The following PGAM1 variants were observed in gnomAD, a reference collection of about 807,000 sequenced individuals.
The protein encoded by PGAM1 is phosphoglycerate mutase 1, also known as BPG-dependent PGAM 1.
In PGAM1, 21 loss-of-function variants were observed where a neutral mutation model predicts 23.5. The ratio of observed to expected loss-of-function variants is 0.89; its 90% CI spans 0.63 to 1.29. PGAM1 has a LOEUF of 1.29. Ranked by LOEUF, PGAM1 falls within the 50% of genes most tolerant of loss-of-function variation. PGAM1 has a pLI of 0.00. For missense variants in PGAM1, 232 were observed against 336.3 expected (o/e 0.69, Z 2.42); for synonymous variants, 109 against 128.6 (o/e 0.85, Z 1.03).
intron 3 of PGAM1, 58 bp from the exon 4 acceptor site, chr10:97,432,297 C>A (rs1408934205): frequency 1.2e-6 from 2 of 1,606,944 alleles, no homozygotes; most frequent in African/African-American, 2.7e-5. Context: ...ACAAAGTAAA[C>A]CTGGAGGGGT....
intron 1 of PGAM1, among the ~76,000 whole-genome samples, chr10:97,429,571 C>G (rs1452614527): frequency 1.3e-5 from 2 of 152,158 alleles, no homozygotes; most frequent in Non-Finnish European, 2.9e-5. Context: ...TAGGTATACT[C>G]TGAGGGTACT....
intron 1 of PGAM1, among the ~76,000 whole-genome samples, chr10:97,430,021 G>T (rs1256812862): frequency 6.7e-6 from 1 of 150,064 alleles, no homozygotes; most frequent in Non-Finnish European, 1.5e-5. Context: ...ACTCCAGCCT[G>T]GGTGACAGTG....
intron 3 of PGAM1, among the ~76,000 whole-genome samples, chr10:97,431,368 G>A (rs1425360991): frequency 6.6e-6 from 1 of 152,160 alleles, no homozygotes; most frequent in African/African-American, 2.4e-5. Context: ...AGAACCTCAG[G>A]TCTCACTCCA....
chr10:97,426,287 C>T lies in PGAM1; in HGVS notation c.-21C>T, dbSNP rs982971619. On this transcript the variant is annotated 5_prime_UTR_variant, in exon 1 of 4. Transcript: ENST00000334828. ...CGGAATCTGCTAATCCCAGTCGGTG[C>T]CGCATCCCCAGCCCGCCGCCATGGC... 6.2e-7 allele frequency: 1 copy of T among 1,609,748 alleles called. No individual in the cohort carries two copies. Among genetic ancestry groups the T allele is most frequent in the Non-Finnish European group, 8.5e-7 (1 of 1,179,114 alleles).
At position 97,426,314 on chromosome 10, in the gene PGAM1, G is replaced by A; in HGVS notation, c.7G>A (p.Ala3Thr). Residue 3 changes from alanine to threonine, a missense_variant, in exon 1 of 4, where the codon GCC becomes ACC. Coordinates refer to ENST00000334828, the MANE Select transcript of PGAM1 (RefSeq NM_002629.4). Reference protein sequence around the residue: MAAYKLVLIRHGE... With the variant: MATYKLVLIRHGE... ...GCATCCCCAGCCCGCCGCCATGGCC[G>A]CCTACAAACTGGTGCTGATCCGGCA... is the stretch of plus-strand genomic sequence containing the variant. 1 of 1,609,640 alleles carries A rather than the reference G, an allele frequency of 6.2e-7. No homozygotes were observed. Among genetic ancestry groups the A allele is most frequent in the Non-Finnish European group, 8.5e-7 (1 of 1,178,898 alleles).
rs1845490940 is a variant in PGAM1 at position 97,433,213 on chromosome 10, C to A, written c.*689C>A. ...TCCTCATACCAATATAGGATCAGCTCCTTGACCTCTGAGGGGCAGGAGTGC... is the reference window on the plus strand; with the variant it reads ...TCCTCATACCAATATAGGATCAGCTACTTGACCTCTGAGGGGCAGGAGTGC... On this transcript the variant is annotated 3_prime_UTR_variant, in exon 4 of 4. Transcript: ENST00000334828. The A allele has an allele frequency of 6.6e-6, 1 of 151,096 alleles. No homozygotes were observed. 9.4% of individuals were successfully genotyped at this position (151,096 alleles called of 1,614,324 possible). A position where few individuals can be genotyped will look rare whatever the true frequency, so the allele number is the denominator to read the frequency against.
chr10:97,432,441 A>G lies in PGAM1; in HGVS notation c.682A>G (p.Lys228Glu). 2 of 1,611,130 alleles carry G rather than the reference A, an allele frequency of 1.2e-6. No individual in the cohort carries two copies. Among genetic ancestry groups the G allele is most frequent in the Non-Finnish European group, 8.5e-7 (1 of 1,179,268 alleles). Residue 228 changes from lysine (K) to glutamate (E), a missense_variant, in exon 4 of 4, where the codon AAG becomes GAG. Lys to Glu is a moderately conservative substitution (Grantham distance 56). Around this residue, in one of 3 missense-constraint regions of PGAM1, gnomAD observed 191 missense variants for 241.7 expected, o/e 0.79. Transcript: ENST00000334828. ...ATTGGACAAGAACTTGAAGCCTATC[A>G]AGCCCATGCAGTTTCTGGGGGATGA... Reference protein sequence around the residue: ...YELDKNLKPIKPMQFLGDEET... With the variant: ...YELDKNLKPIEPMQFLGDEET...
At chr10:97,430,856 A>C in intron 2 of PGAM1, 99 bp from the exon 3 acceptor site, 2 of 1,542,252 alleles carry the variant, frequency 1.3e-6, no homozygotes, top group South Asian at 2.3e-5. Context: ...GATTTTATAA[A>C]ACCCTGTGAA....
In PGAM1 at chr10:97,430,257, A is replaced by C. The variant is rs527857779; in HGVS notation, c.140-122A>C. ...CAAGGATAAACAAAACAGTTGGCCA[A>C]ATATTTTCTTTTTTGGCCAAATATT... is the stretch of plus-strand genomic sequence containing the variant. On this transcript the variant is annotated intron_variant, in intron 1 of 3. Transcript: ENST00000334828. The C allele has an allele frequency of 2.5e-4, 304 of 1,229,954 alleles. 5 individuals carry two copies. In the South Asian group the frequency reaches 3.5e-3, roughly 14 times the overall value. The allele number at this position is 1,229,954 out of a possible 1,614,324, so 76.2% of individuals were successfully genotyped here.
At chr10:97,429,128 G>C (rs1301962368) in intron 1 of PGAM1, among the ~76,000 whole-genome samples, 1 of 119,730 alleles carries the variant, frequency 8.4e-6, no homozygotes, top group African/African-American at 3.3e-5. Context: ...GCGTGCGACA[G>C]AGTCTCGCTC....
rs899092463 is a variant in PGAM1, at chr10:97,426,196, C to G, written c.-112C>G. 1.3e-6 allele frequency: 2 copies of G among 1,520,248 alleles called. No individual in the cohort carries two copies. Among genetic ancestry groups the G allele is most frequent in the East Asian group, 4.6e-5 (2 of 43,608 alleles). The allele number at this position is 1,520,248 out of a possible 1,614,324, so 94.2% of individuals were successfully genotyped here. A position where few individuals can be genotyped will look rare whatever the true frequency, so the allele number is the denominator to read the frequency against. On this transcript the variant is annotated 5_prime_UTR_variant, in exon 1 of 4. Transcript: ENST00000334828. ...GCGAGTGGAAAGATTTGGGCGAGAACTTGCGCGGGAGCCGGACTGAGCGGT... is the reference window on the plus strand; with the variant it reads ...GCGAGTGGAAAGATTTGGGCGAGAAGTTGCGCGGGAGCCGGACTGAGCGGT...
intron 1 of PGAM1, among the ~76,000 whole-genome samples, chr10:97,428,332 G>A (rs1189931829): frequency 6.6e-6 from 1 of 152,168 alleles, no homozygotes; most frequent in African/African-American, 2.4e-5. Context: ...CCTTGAATCT[G>A]ATTTCTGGAG....
chr10:97,428,592 A>G (rs1845436557), intron 1 of PGAM1, among the ~76,000 whole-genome samples: 1 of 152,230 alleles, frequency 6.6e-6, no homozygotes, highest in Non-Finnish European at 1.5e-5. Flanking sequence ...GAGCCGCCTC[A>G]TTGCAAGTGG....
At chr10:97,429,504 C>T (rs1589456116) in intron 1 of PGAM1, among the ~76,000 whole-genome samples, 1 of 152,184 alleles carries the variant, frequency 6.6e-6, no homozygotes, top group Non-Finnish European at 1.5e-5. Context: ...AGATAGTGCA[C>T]AGCACTGGGT....
intron 1 of PGAM1, 26 bp downstream of exon 1, chr10:97,426,472 C>T (rs1314353703): frequency 3.8e-6 from 6 of 1,560,492 alleles, no homozygotes; most frequent in South Asian, 3.5e-5. Flanking sequence ...GTGTGGGCTG[C>T]GAAGGGCCGG....
chr10:97,430,625 A>T lies in PGAM1; in HGVS notation c.386A>T (p.Asp129Val). The T allele has an allele frequency of 1.2e-6, 2 of 1,602,874 alleles. No individual in the cohort carries two copies. The part of the protein sequence containing the change: ...YDVPPPPMEP[D>V]HPFYSNISKD... ...GTCCCACCACCTCCGATGGAGCCCG[A>T]CCATCCTTTCTACAGCAACATCAGT... The change falls in exon 2 of 4, where the codon GAC (aspartate) becomes GTC (valine). Residue 129 changes from aspartate to valine, a missense_variant. Asp to Val is a radical substitution (Grantham distance 152). Coordinates refer to ENST00000334828, the MANE Select transcript of PGAM1 (RefSeq NM_002629.4).
At chr10:97,431,281 A>T (rs1277169939) in intron 3 of PGAM1, 146 bp downstream of exon 3, 1 of 956,324 alleles carries the variant, frequency 1.0e-6, no homozygotes, top group Non-Finnish European at 1.6e-6. Flanking sequence ...GTGAAAAAAC[A>T]CCCTCAACCC....
chr10:97,426,725 G>C (rs1045304261), intron 1 of PGAM1, among the ~76,000 whole-genome samples: 6 of 152,246 alleles, frequency 3.9e-5, no homozygotes, highest in Admixed American at 6.5e-5. Flanking sequence ...TCCCTTTCTA[G>C]TCTGAACATT....
chr10:97,430,059 A>G (rs867867116), intron 1 of PGAM1, among the ~76,000 whole-genome samples: 11 of 151,826 alleles, frequency 7.2e-5, no homozygotes, highest in South Asian at 2.1e-4. Context: ...AAAAAAAAAA[A>G]AAAGAAAAGA....
Sources: gnomAD v4.1 joint callset for allele counts (sites outside exome capture counted in the v4.1 genomes callset) on GRCh38, gnomAD v4.1.1 for gene constraint, gnomAD v4.1.1 regional missense constraint, MANE v1.5 for transcripts, NCBI Gene and HGNC (gene_info 2026-07-23, HGNC 2026-07-21) for gene names.